Variants in PCDH9 observed in about 807,000 individuals in gnomAD.
PCDH9 encodes protocadherin 9.
In PCDH9, 24 loss-of-function variants were observed where a neutral mutation model predicts 70.6. The observed-to-expected ratio is 0.34, with a 90% confidence interval of 0.25 to 0.48. The LOEUF is 0.48. Among genes scored for constraint, PCDH9 ranks in the 20% least tolerant of loss-of-function variants. PCDH9 has a pLI of 0.99. For missense variants in PCDH9, 1,281 were observed against 1,503.6 expected (o/e 0.85, Z 2.45); for synonymous variants, 562 against 558.5 (o/e 1.01, Z -0.09).
chr13:66,774,594 C>A (rs1594042105), intron 3 of PCDH9, among the ~76,000 whole-genome samples: 1 of 152,016 alleles, frequency 6.6e-6, no homozygotes, highest in South Asian at 2.1e-4. Flanking sequence ...TAAAAGAAAC[C>A]CATGTATTTA....
At chr13:66,626,314 G>A (rs1026190877) in intron 4 of PCDH9, among the ~76,000 whole-genome samples, 3 of 152,156 alleles carry the variant, frequency 2.0e-5, no homozygotes, top group Non-Finnish European at 4.4e-5. Flanking sequence ...AGATTACATC[G>A]TAGAGTCCAG....
chr13:66,863,014 T>G (rs1176747701), intron 3 of PCDH9, among the ~76,000 whole-genome samples: 1 of 152,156 alleles, frequency 6.6e-6, no homozygotes, highest in Non-Finnish European at 1.5e-5. Context: ...GTCTTAACAG[T>G]GGAATGTTTG....
chr13:66,445,626 T>C (rs986121956), intron 4 of PCDH9, among the ~76,000 whole-genome samples: 1 of 138,956 alleles, frequency 7.2e-6, no homozygotes, highest in East Asian at 2.2e-4. Context: ...TATACACATA[T>C]ATATTATATA....
At chr13:66,349,800 C>G (rs764385101) in intron 4 of PCDH9, among the ~76,000 whole-genome samples, 3 of 152,086 alleles carry the variant, frequency 2.0e-5, no homozygotes, top group African/African-American at 7.2e-5. Context: ...TCGTGAAAGC[C>G]GCATGTCTTA....
At chr13:66,687,229 C>T (rs1237890266) in intron 3 of PCDH9, among the ~76,000 whole-genome samples, 1 of 152,166 alleles carries the variant, frequency 6.6e-6, no homozygotes, top group Non-Finnish European at 1.5e-5. Flanking sequence ...TAGACAATAA[C>T]ATGCATGAAT....
intron 3 of PCDH9, among the ~76,000 whole-genome samples, chr13:66,892,105 A>G (rs942014883): frequency 6.6e-6 from 1 of 151,250 alleles, no homozygotes; most frequent in Admixed American, 6.6e-5. Context: ...GAATCTAACT[A>G]GCTAGTTTTT....
chr13:66,831,016 G>C (rs758596222), intron 3 of PCDH9, among the ~76,000 whole-genome samples: 2 of 152,146 alleles, frequency 1.3e-5, no homozygotes, highest in Non-Finnish European at 2.9e-5. Context: ...CTTAGGGTAG[G>C]TCAATACACA....
intron 2 of PCDH9, among the ~76,000 whole-genome samples, chr13:67,175,606 C>T (rs2088428584): frequency 6.6e-6 from 1 of 152,128 alleles, no homozygotes. Flanking sequence ...TACATTAGTC[C>T]TTCCCATTCA....
intron 4 of PCDH9, among the ~76,000 whole-genome samples, chr13:66,401,890 A>G (rs1203366349): frequency 6.6e-6 from 1 of 152,160 alleles, no homozygotes; most frequent in Non-Finnish European, 1.5e-5. Flanking sequence ...TGCCAGAACT[A>G]GCATATTTTT....
chr13:67,036,765 C>A (rs544986293), intron 2 of PCDH9, among the ~76,000 whole-genome samples: 1 of 152,220 alleles, frequency 6.6e-6, no homozygotes, highest in East Asian at 1.9e-4. Context: ...ATTTTAATGA[C>A]CATGGACCTG....
intron 3 of PCDH9, among the ~76,000 whole-genome samples, chr13:66,723,468 G>A (rs184017506): frequency 1.4e-3 from 217 of 152,152 alleles, no homozygotes; most frequent in African/African-American, 5.0e-3. Flanking sequence ...AGGATTTGTC[G>A]GTGTTTCATA....
intron 4 of PCDH9, among the ~76,000 whole-genome samples, chr13:66,577,173 C>T (rs1295684942): frequency 2.0e-5 from 3 of 151,186 alleles, no homozygotes; most frequent in Non-Finnish European, 3.0e-5. Context: ...AACCAGTCTA[C>T]TAACAAATAA....
At chr13:66,544,272 T>A (rs1456052016) in intron 4 of PCDH9, among the ~76,000 whole-genome samples, 1 of 152,180 alleles carries the variant, frequency 6.6e-6, no homozygotes, top group East Asian at 1.9e-4. Context: ...ACCTGTTTCC[T>A]TAATTGAATG....
chr13:66,872,410 G>A (rs899214330), intron 3 of PCDH9, among the ~76,000 whole-genome samples: 8 of 151,864 alleles, frequency 5.3e-5, no homozygotes, highest in Non-Finnish European at 1.2e-4. Context: ...ACCATATCTG[G>A]CTGTGCTCAT....
chr13:66,539,870 C>CTT (rs57344938), intron 4 of PCDH9, among the ~76,000 whole-genome samples: 4 of 83,612 alleles, frequency 4.8e-5, no homozygotes, highest in African/African-American at 1.4e-4. Context: ...TCTTTTTTTC[C>CTT]TTTTTTTTTT....
intron 3 of PCDH9, among the ~76,000 whole-genome samples, chr13:66,682,912 G>A (rs542277551): frequency 9.2e-5 from 14 of 152,184 alleles, no homozygotes; most frequent in African/African-American, 2.4e-4. Context: ...GAAAACCATC[G>A]TCTTACATGA....
intron 3 of PCDH9, among the ~76,000 whole-genome samples, chr13:66,797,292 G>A (rs747900735): frequency 2.6e-5 from 4 of 151,986 alleles, no homozygotes; most frequent in East Asian, 1.9e-4. Context: ...GGGTTTCCCC[G>A]TGAAACCCCA....
chr13:66,829,023 T>G (rs2080875820), intron 3 of PCDH9, among the ~76,000 whole-genome samples: 1 of 152,082 alleles, frequency 6.6e-6, no homozygotes, highest in African/African-American at 2.4e-5. Context: ...TTTGTTTTTT[T>G]GTTTTTTTGT....
intron 3 of PCDH9, among the ~76,000 whole-genome samples, chr13:66,760,157 T>C (rs1344149095): frequency 6.6e-6 from 1 of 152,136 alleles, no homozygotes; most frequent in Non-Finnish European, 1.5e-5. Flanking sequence ...CCTTCAGCAG[T>C]CTGCATATAT....
Sources: gnomAD v4.1 joint callset for allele counts (sites outside exome capture counted in the v4.1 genomes callset) on GRCh38, gnomAD v4.1.1 for gene constraint, MANE v1.5 for transcripts, NCBI Gene and HGNC (gene_info 2026-07-23, HGNC 2026-07-21) for gene names.